The following ZFPM2 variants were observed in gnomAD, a reference collection of about 807,000 sequenced individuals.
The protein encoded by ZFPM2 is zinc finger protein ZFPM2.
A neutral mutation model predicts 98.6 loss-of-function variants in ZFPM2; 20 were observed. That is an observed-to-expected ratio of 0.20 (90% CI 0.14 to 0.29). ZFPM2 has a LOEUF of 0.29. Ranked by LOEUF, ZFPM2 falls within the 10% of genes least tolerant of loss-of-function variation. The pLI is 1.00. For missense variants in ZFPM2, 1,310 were observed against 1,388.6 expected, an observed-to-expected ratio of 0.94 and a Z score of 0.90; for synonymous variants, 518 against 502.7, an observed-to-expected ratio of 1.03 and a Z score of -0.41.
At chr8:105,451,547 T>G (rs1285716389) in intron 3 of ZFPM2, 2 of 152,198 alleles carry the variant, frequency 1.3e-5, no homozygotes, top group Non-Finnish European at 2.9e-5. Flanking sequence ...ATAACTGCTC[T>G]TCTCTGGGAG....
intron 4 of ZFPM2, among the ~76,000 whole-genome samples, chr8:105,563,142 G>A (rs760565244): frequency 6.6e-5 from 10 of 152,124 alleles, no homozygotes; most frequent in Non-Finnish European, 1.0e-4. Context: ...TCCCAGAGGG[G>A]TTTCGACAGG....
At chr8:105,705,958 ATTAC>A (rs1811249114) in intron 5 of ZFPM2, among the ~76,000 whole-genome samples, 1 of 152,208 alleles carries the variant, frequency 6.6e-6, no homozygotes, top group Non-Finnish European at 1.5e-5. Flanking sequence ...CTAGTATTGA[ATTAC>A]TTCACATGCA....
chr8:105,729,385 T>G lies in ZFPM2; in HGVS notation c.533-59333T>G, dbSNP rs186218735. Among the ~76,000 whole-genome samples, 204 of 151,824 alleles carry G rather than the reference T, an allele frequency of 1.3e-3. 1 individual carries two copies. Among genetic ancestry groups the G allele is most frequent in the Admixed American group, 2.2e-3 (33 of 15,192 alleles). ...TTCATTGTCATTGTTGTGTGTCTTT[T>G]TTTTTGGCTTGGAATTTTGGTTGAC... is the stretch of plus-strand genomic sequence containing the variant. On this transcript the variant is annotated intron_variant, in intron 5 of 7. Coordinates refer to ENST00000407775, the MANE Select transcript of ZFPM2 (RefSeq NM_012082.4).
intron 4 of ZFPM2, among the ~76,000 whole-genome samples, chr8:105,610,534 T>C (rs532523439): frequency 5.1e-4 from 78 of 152,250 alleles, no homozygotes; most frequent in Non-Finnish European, 5.3e-4. Context: ...TAGCTAACAA[T>C]GCTAGAGGAG....
chr8:105,326,053 A>G (rs775637310), intron 1 of ZFPM2, among the ~76,000 whole-genome samples: 2 of 151,732 alleles, frequency 1.3e-5, no homozygotes, highest in East Asian at 3.9e-4. Flanking sequence ...AGCTAGTCCT[A>G]TGTCTACGGT....
chr8:105,756,999 C>T (rs1190537085), intron 5 of ZFPM2, among the ~76,000 whole-genome samples: 7 of 152,020 alleles, frequency 4.6e-5, no homozygotes, highest in African/African-American at 7.3e-5. Flanking sequence ...TTATACTAGT[C>T]GATAATTTAC....
At chr8:105,596,739 C>CTTTTTTT (rs910632602) in intron 4 of ZFPM2, among the ~76,000 whole-genome samples, 1 of 58,930 alleles carries the variant, frequency 1.7e-5, no homozygotes, top group Non-Finnish European at 3.4e-5. Context: ...CCTTTGTCTG[C>CTTTTTTT]TTTTTTTTTT....
chr8:105,351,118 G>T (rs1186688546), intron 1 of ZFPM2, among the ~76,000 whole-genome samples: 4 of 150,188 alleles, frequency 2.7e-5, no homozygotes, highest in Non-Finnish European at 5.9e-5. Context: ...GGGAGACAGA[G>T]GTTGCAGTGA....
intron 2 of ZFPM2, among the ~76,000 whole-genome samples, chr8:105,436,240 C>G (rs928485620): frequency 6.6e-6 from 1 of 152,054 alleles, no homozygotes; most frequent in African/African-American, 2.4e-5. Context: ...ATGCAAGTGC[C>G]TGGGCGCGGT....
At chr8:105,448,094 A>C (rs1483255473) in intron 3 of ZFPM2, among the ~76,000 whole-genome samples, 1 of 152,056 alleles carries the variant, frequency 6.6e-6, no homozygotes, top group Admixed American at 6.6e-5. Flanking sequence ...TCATGGTTTG[A>C]GTGAAAAGCT....
chr8:105,564,150 T>C (rs991563973), intron 4 of ZFPM2, among the ~76,000 whole-genome samples: 1 of 151,982 alleles, frequency 6.6e-6, no homozygotes, highest in African/African-American at 2.4e-5. Context: ...TAAAGCTATT[T>C]TATGCCATAT....
At chr8:105,536,211 A>C (rs1814447112) in intron 3 of ZFPM2, among the ~76,000 whole-genome samples, 1 of 152,128 alleles carries the variant, frequency 6.6e-6, no homozygotes, top group Admixed American at 6.6e-5. Context: ...CATATTGGGA[A>C]TATTGCTATT....
intron 3 of ZFPM2, among the ~76,000 whole-genome samples, chr8:105,487,801 G>C (rs1813259587): frequency 6.6e-6 from 1 of 151,900 alleles, no homozygotes; most frequent in African/African-American, 2.4e-5. Context: ...CATTTGCCCA[G>C]GTTTTATTAA....
In ZFPM2 at chr8:105,798,933, C is replaced by G. The variant is rs372788311; in HGVS notation, c.949C>G (p.Leu317Val). Residue 317 changes from leucine to valine, a missense_variant, in exon 7 of 8, where the codon CTG becomes GTG. Leu to Val is a conservative substitution (Grantham distance 32). Transcript: ENST00000407775. ...AAATGCTCGAGCTCTAGAAATGCACCTGAATTCACACAGTGGTAAATGCCC... is the reference window on the plus strand; with the variant it reads ...AAATGCTCGAGCTCTAGAAATGCACGTGAATTCACACAGTGGTAAATGCCC... ...FSNARALEMH[L>V]NSHSGVKMEE... The G allele has an allele frequency of 1.2e-6, 2 of 1,613,742 alleles. No individual in the cohort carries two copies. The highest frequency in any genetic ancestry group is 1.7e-6 in the Non-Finnish European group (2 of 1,179,696).
chr8:105,500,691 A>C (rs1220314418), intron 3 of ZFPM2, among the ~76,000 whole-genome samples: 2 of 152,176 alleles, frequency 1.3e-5, no homozygotes, highest in African/African-American at 2.4e-5. Context: ...ATCAAAAAAC[A>C]TTCTGTCTAA....
chr8:105,726,994 A>C (rs1228654280), intron 5 of ZFPM2, among the ~76,000 whole-genome samples: 1 of 151,798 alleles, frequency 6.6e-6, no homozygotes, highest in East Asian at 1.9e-4. Context: ...GTATAGTGAT[A>C]GATAAATTGA....
At chr8:105,387,904 T>C (rs1284869189) in intron 1 of ZFPM2, 1 of 152,242 alleles carries the variant, frequency 6.6e-6, no homozygotes, top group Admixed American at 6.5e-5. Flanking sequence ...AGACAACCTG[T>C]ATTCGCCCTG....
chr8:105,513,522 C>A (rs1333412448), intron 3 of ZFPM2, among the ~76,000 whole-genome samples: 1 of 152,176 alleles, frequency 6.6e-6, no homozygotes, highest in African/African-American at 2.4e-5. Flanking sequence ...ATAAGGCAAA[C>A]TGGAGAGCTC....
chr8:105,598,743 A>G (rs1017173597), intron 4 of ZFPM2, among the ~76,000 whole-genome samples: 22 of 152,164 alleles, frequency 1.4e-4, no homozygotes, highest in African/African-American at 4.6e-4. Flanking sequence ...ACTGACCAAG[A>G]AAGATAATGA....
Sources: gnomAD v4.1 joint callset for allele counts (sites outside exome capture counted in the v4.1 genomes callset) on GRCh38, gnomAD v4.1.1 for gene constraint, MANE v1.5 for transcripts, NCBI Gene and HGNC (gene_info 2026-07-23, HGNC 2026-07-21) for gene names.